Variants in MARCHF5 observed in about 807,000 individuals in gnomAD.
MARCHF5 encodes membrane associated ring-CH-type finger 5.
A neutral mutation model predicts 36.5 loss-of-function variants in MARCHF5; 5 were observed. That is an observed-to-expected ratio of 0.14 (90% CI 0.07 to 0.29). The LOEUF is 0.29. Ranked by LOEUF, MARCHF5 falls within the 10% of genes least tolerant of loss-of-function variation. The pLI, the probability that MARCHF5 is intolerant of heterozygous loss-of-function variation, is 1.00. For synonymous variants in MARCHF5, 103 were observed against 109.9 expected (o/e 0.94, Z 0.39); for missense variants, 179 against 336.3 (o/e 0.53, Z 3.66).
intron 3 of MARCHF5, among the ~76,000 whole-genome samples, chr10:92,344,506 G>A (rs1843618473): frequency 6.6e-6 from 1 of 151,968 alleles, no homozygotes; most frequent in African/African-American, 2.4e-5. Context: ...GCCCAGAAAT[G>A]AGACTAGCTA....
At chr10:92,311,000 C>T in intron 1 of MARCHF5, 135 bp from the exon 2 acceptor site, 2 of 646,264 alleles carry the variant, frequency 3.1e-6, no homozygotes, top group South Asian at 4.1e-5. Context: ...TGTTTTGTCT[C>T]CTTAGTCTTT....
rs147629944 is a variant in MARCHF5, at chr10:92,342,151, C to G, written c.369+1348C>G. ...ACTCTTCACCCCCCTCAATACTCCCCACAAACCGCCCCCCGACAAAACAAA... is the reference window on the plus strand; with the variant it reads ...ACTCTTCACCCCCCTCAATACTCCCGACAAACCGCCCCCCGACAAAACAAA... On this transcript the variant is annotated intron_variant, in intron 3 of 5. Coordinates refer to ENST00000358935, the MANE Select transcript of MARCHF5 (RefSeq NM_017824.5). Among the ~76,000 whole-genome samples the G allele has an allele frequency of 3.1e-3, 461 of 149,286 alleles. 2 individuals carry two copies. The highest frequency in any genetic ancestry group is 0.011 in the African/African-American group (448 of 40,566).
At chr10:92,306,240 C>A (rs889197158) in intron 1 of MARCHF5, among the ~76,000 whole-genome samples, 13 of 152,132 alleles carry the variant, frequency 8.5e-5, no homozygotes, top group African/African-American at 3.1e-4. Flanking sequence ...CTTCTAAGCC[C>A]AGAAGAAGAG....
Position 92,351,083 on chromosome 10 carries a change from T to C in MARCHF5, c.721-8T>C. On this transcript the variant is annotated splice_polypyrimidine_tract_variant and splice_region_variant and intron_variant, in intron 5 of 5. Transcript: ENST00000358935. ...ATTATAAAAAGCTAATTTTCCTTTTTATTTTAGGGTGGAATTGCGTTTGTT... is the reference window on the plus strand; with the variant it reads ...ATTATAAAAAGCTAATTTTCCTTTTCATTTTAGGGTGGAATTGCGTTTGTT... 4.6e-6 allele frequency: 7 copies of C among 1,525,234 alleles called. No individual in the cohort carries two copies. The highest frequency in any genetic ancestry group is 6.3e-6 in the Non-Finnish European group (7 of 1,107,618). 94.5% of individuals were successfully genotyped at this position (1,525,234 alleles called of 1,614,324 possible).
At chr10:92,318,652 A>G (rs75392845) in intron 2 of MARCHF5, among the ~76,000 whole-genome samples, 9 of 152,048 alleles carry the variant, frequency 5.9e-5, no homozygotes, top group African/African-American at 1.9e-4. Flanking sequence ...AAAAAAAAAA[A>G]ACAGACATCC....
intron 2 of MARCHF5, among the ~76,000 whole-genome samples, chr10:92,328,801 T>TTATATATATATATA (rs748902839): frequency 7.3e-6 from 1 of 137,262 alleles, no homozygotes; most frequent in African/African-American, 2.7e-5. Context: ...AGTGAGGTTA[T>TTATATATATATATA]TATATATATA....
chr10:92,302,975 G>A lies in MARCHF5; in HGVS notation c.36-8160G>A, dbSNP rs1843033548. On this transcript the variant is annotated intron_variant, in intron 1 of 5. Coordinates refer to ENST00000358935, the MANE Select transcript of MARCHF5 (RefSeq NM_017824.5). ...CTGCTACATTCCAATTTTCATCACAGTGATTTCTCAGGCAGGAGTCTGATT... is the reference window on the plus strand; with the variant it reads ...CTGCTACATTCCAATTTTCATCACAATGATTTCTCAGGCAGGAGTCTGATT... 3.9e-5 allele frequency among the ~76,000 whole-genome samples: 6 copies of A among 152,262 alleles called. No individual in the cohort carries two copies. The South Asian group carries it at 8.3e-4, about 21-fold the overall frequency.
chr10:92,300,453 A>G (rs1236174975), intron 1 of MARCHF5, among the ~76,000 whole-genome samples: 2 of 151,856 alleles, frequency 1.3e-5, no homozygotes, highest in Non-Finnish European at 2.9e-5. Context: ...AGATTGCACC[A>G]TGCCACTGCA....
Position 92,291,167 on chromosome 10 carries a change from A to T in MARCHF5, c.-328A>T, listed in dbSNP as rs1719312321. 4.4e-6 allele frequency: 2 copies of T among 453,934 alleles called. No homozygotes were observed. Among genetic ancestry groups the T allele is most frequent in the Non-Finnish European group, 7.8e-6 (2 of 255,240 alleles). The allele number at this position is 453,934 out of a possible 1,614,324, so 28.1% of individuals were successfully genotyped here. ...GGCGCGCACGGAGGCGGCGACTCTT[A>T]CCTCACAAAGGTAGCTCCTCCGCCG... On this transcript the variant is annotated 5_prime_UTR_variant, in exon 1 of 6. Coordinates refer to ENST00000358935, the MANE Select transcript of MARCHF5 (RefSeq NM_017824.5).
At chr10:92,350,626 G>A (rs1417410384) in intron 5 of MARCHF5, among the ~76,000 whole-genome samples, 1 of 152,220 alleles carries the variant, frequency 6.6e-6, no homozygotes, top group African/African-American at 2.4e-5. Flanking sequence ...GCACCAGGGA[G>A]TGATGGCCCC....
rs1169131647 is a variant in MARCHF5 at position 92,291,252 on chromosome 10, G to C, written c.-243G>C. The C allele has an allele frequency of 5.6e-6, 3 of 540,444 alleles. No individual in the cohort carries two copies. Among genetic ancestry groups the C allele is most frequent in the African/African-American group, 4.1e-5 (2 of 49,060 alleles). 33.5% of individuals were successfully genotyped at this position (540,444 alleles called of 1,614,324 possible). On this transcript the variant is annotated 5_prime_UTR_variant, in exon 1 of 6. Transcript: ENST00000358935. ...ACCTCGGGCCGACGGACGGGAACCC[G>C]GGCCGCGATCGCCGCCTCCCCGCCT...
At chr10:92,307,177 G>C (rs898943098) in intron 1 of MARCHF5, among the ~76,000 whole-genome samples, 1 of 70,160 alleles carries the variant, frequency 1.4e-5, no homozygotes, top group African/African-American at 4.2e-5. Flanking sequence ...GAAAACATCT[G>C]TGTGTGTGTG....
At chr10:92,343,531 T>C (rs1413146186) in intron 3 of MARCHF5, among the ~76,000 whole-genome samples, 2 of 152,204 alleles carry the variant, frequency 1.3e-5, no homozygotes, top group East Asian at 3.8e-4. Context: ...ACATAGAAAC[T>C]AACACATTAA....
chr10:92,324,461 A>C (rs1422087499), intron 2 of MARCHF5, among the ~76,000 whole-genome samples: 1 of 152,126 alleles, frequency 6.6e-6, no homozygotes, highest in Non-Finnish European at 1.5e-5. Flanking sequence ...TCCTGGGTTC[A>C]TGCCATTCTC....
intron 3 of MARCHF5, among the ~76,000 whole-genome samples, chr10:92,347,516 A>AGAT (rs879847459): frequency 0.2 from 8,656 of 43,102 alleles, 538 homozygotes; most frequent in South Asian, 0.28. Flanking sequence ...ATAGATAGAT[A>AGAT]GATAGATGAT....
chr10:92,304,665 A>G (rs755137738), intron 1 of MARCHF5, among the ~76,000 whole-genome samples: 8 of 152,154 alleles, frequency 5.3e-5, no homozygotes, highest in Non-Finnish European at 1.0e-4. Flanking sequence ...TGCTATACTC[A>G]TTTCTAATTG....
chr10:92,311,642 A>T (rs1448653047), intron 2 of MARCHF5, among the ~76,000 whole-genome samples: 1 of 149,080 alleles, frequency 6.7e-6, no homozygotes, highest in Non-Finnish European at 1.5e-5. Context: ...GCTGACTTTT[A>T]AAAAAAAAAC....
rs1413269856 is a variant in MARCHF5 at position 92,305,234 on chromosome 10, C to T, written c.36-5901C>T. On this transcript the variant is annotated intron_variant, in intron 1 of 5. Transcript: ENST00000358935. ...CCATCCTGGCTAACAAGTGAAACCC[C>T]GTCTCTTCTGAAAATACAAAAAATT... Among the ~76,000 whole-genome samples, 5 of 152,026 alleles carry T rather than the reference C, an allele frequency of 3.3e-5. No homozygotes were observed. In the South Asian group the frequency reaches 8.3e-4, roughly 25 times the overall value.
At chr10:92,314,208 C>A (rs1021504035) in intron 2 of MARCHF5, among the ~76,000 whole-genome samples, 54 of 834 alleles carry the variant, frequency 0.065, no homozygotes, top group Admixed American at 0.12. Flanking sequence ...TGAAACCAAT[C>A]TTAAATAAAA....
Sources: allele counts gnomAD v4.1 joint callset (sites outside exome capture counted in the v4.1 genomes callset), GRCh38; gene constraint gnomAD v4.1.1; transcripts MANE v1.5; gene names NCBI Gene and HGNC (gene_info 2026-07-23, HGNC 2026-07-21).